Variants in MAN2A1 observed in about 807,000 individuals in gnomAD.
MAN2A1 encodes alpha-mannosidase 2.
A neutral mutation model predicts 142.6 loss-of-function variants in MAN2A1; 76 were observed. The observed-to-expected ratio is 0.53, with a 90% confidence interval of 0.44 to 0.65. MAN2A1 has a LOEUF of 0.65. Among genes scored for constraint, MAN2A1 ranks in the 30% least tolerant of loss-of-function variants. The pLI is 0.00. For missense variants in MAN2A1, 1,311 were observed against 1,365.1 expected, an observed-to-expected ratio of 0.96 and a Z score of 0.62; for synonymous variants, 559 against 473.2, an observed-to-expected ratio of 1.18 and a Z score of -2.35.
intron 20 of MAN2A1, among the ~76,000 whole-genome samples, chr5:109,856,183 T>G (rs909536133): frequency 6.6e-6 from 1 of 152,196 alleles, no homozygotes; most frequent in Non-Finnish European, 1.5e-5. Context: ...TATAATTTTT[T>G]TTTCTTTATA....
intron 3 of MAN2A1, among the ~76,000 whole-genome samples, chr5:109,728,699 A>G (rs1008151063): frequency 6.6e-6 from 1 of 152,198 alleles, no homozygotes; most frequent in Non-Finnish European, 1.5e-5. Context: ...ACCTATATGC[A>G]TTCGCATTTG....
intron 20 of MAN2A1, among the ~76,000 whole-genome samples, chr5:109,861,348 A>C (rs775624813): frequency 3.3e-5 from 5 of 152,210 alleles, no homozygotes; most frequent in Non-Finnish European, 7.4e-5. Flanking sequence ...AATGAGGTAA[A>C]AACATTGCCA....
At position 109,743,756 on chromosome 5, in the gene MAN2A1, C is replaced by A. The variant is rs114283503; in HGVS notation, c.708-11573C>A. Among the ~76,000 whole-genome samples the A allele has an allele frequency of 8.5e-3, 1,300 of 152,336 alleles. 20 individuals carry two copies. Among genetic ancestry groups the A allele is most frequent in the African/African-American group, 0.03 (1,230 of 41,572 alleles). ...TTCCAGCTGTGCCACTTCTAAGTGT[C>A]TGCCATTTCATCAACAGAGTTAGTT... is the stretch of plus-strand genomic sequence containing the variant. On this transcript the variant is annotated intron_variant, in intron 4 of 21. Coordinates refer to ENST00000261483, the MANE Select transcript of MAN2A1 (RefSeq NM_002372.4).
intron 4 of MAN2A1, among the ~76,000 whole-genome samples, chr5:109,753,931 C>CA (rs946773141): frequency 8.7e-5 from 13 of 149,904 alleles, no homozygotes; most frequent in African/African-American, 3.2e-4. Context: ...TTTTTTGACA[C>CA]AATGTCTCAC....
chr5:109,788,352 A>ATATATATTTTTAT, intron 10 of MAN2A1, among the ~76,000 whole-genome samples: 1 of 144,452 alleles, frequency 6.9e-6, no homozygotes, highest in South Asian at 2.5e-4. Context: ...ATTTGAATAT[A>ATATATATTTTTAT]GTTAGTAATT....
At chr5:109,745,592 G>A (rs1489457422) in intron 4 of MAN2A1, among the ~76,000 whole-genome samples, 1 of 151,988 alleles carries the variant, frequency 6.6e-6, no homozygotes, top group Non-Finnish European at 1.5e-5. Flanking sequence ...TGAACCATAT[G>A]AGAAATTTAT....
At chr5:109,707,019 C>T (rs1751153091) in intron 1 of MAN2A1, among the ~76,000 whole-genome samples, 1 of 152,178 alleles carries the variant, frequency 6.6e-6, no homozygotes, top group Non-Finnish European at 1.5e-5. Context: ...ATAATAGTCT[C>T]TTGAGCCAGG....
At chr5:109,866,168 T>C (rs1357970002) in intron 21 of MAN2A1, among the ~76,000 whole-genome samples, 2 of 152,194 alleles carry the variant, frequency 1.3e-5, no homozygotes, top group Admixed American at 6.5e-5. Flanking sequence ...TTTATTATAC[T>C]GTATTTGCAC....
intron 19 of MAN2A1, among the ~76,000 whole-genome samples, chr5:109,848,483 A>T (rs1436302421): frequency 2.0e-5 from 3 of 152,162 alleles, no homozygotes; most frequent in African/African-American, 7.2e-5. Flanking sequence ...CTTTTCAGCC[A>T]GTGATCGTAC....
At position 109,711,077 on chromosome 5, in the gene MAN2A1, C is replaced by T. The variant is rs1751287681; in HGVS notation, c.136-2443C>T. 3.3e-5 allele frequency among the ~76,000 whole-genome samples: 5 copies of T among 152,326 alleles called. No homozygotes were observed. In the South Asian group the frequency reaches 1.0e-3, roughly 32 times the overall value. On this transcript the variant is annotated intron_variant, in intron 1 of 21. Transcript: ENST00000261483. Reference sequence around the variant, plus strand: ...TCCTGACCAGGTGATCCACCCATCTCAGCCTACCAAAGTGCTGGGATTACA... The same window carrying T: ...TCCTGACCAGGTGATCCACCCATCTTAGCCTACCAAAGTGCTGGGATTACA...
At chr5:109,746,281 T>G (rs1752402436) in intron 4 of MAN2A1, among the ~76,000 whole-genome samples, 5 of 152,154 alleles carry the variant, frequency 3.3e-5, no homozygotes, top group Admixed American at 2.6e-4. Flanking sequence ...GGCCTCAGTT[T>G]TGTTAGTTTT....
chr5:109,748,976 G>T (rs1313422448), intron 4 of MAN2A1, among the ~76,000 whole-genome samples: 1 of 151,010 alleles, frequency 6.6e-6, no homozygotes, highest in African/African-American at 2.4e-5. Flanking sequence ...ATGTCTTTAG[G>T]ATATAAGTTG....
At chr5:109,834,721 A>G (rs1003555327) in intron 16 of MAN2A1, among the ~76,000 whole-genome samples, 3 of 152,224 alleles carry the variant, frequency 2.0e-5, no homozygotes, top group African/African-American at 7.2e-5. Context: ...GCAGTATATC[A>G]TCATTTTCTT....
At chr5:109,701,833 G>A (rs370448830) in intron 1 of MAN2A1, among the ~76,000 whole-genome samples, 3 of 152,244 alleles carry the variant, frequency 2.0e-5, no homozygotes, top group African/African-American at 7.2e-5. Flanking sequence ...TTTCCATTGG[G>A]GTGTTGGAGA....
chr5:109,716,340 A>G, intron 3 of MAN2A1, 76 bp downstream of exon 3: 1 of 1,213,634 alleles, frequency 8.2e-7, no homozygotes, highest in Non-Finnish European at 1.2e-6. Flanking sequence ...AGAATCTGGT[A>G]GAGGCCACTT....
chr5:109,758,396 G>T (rs1354778445), intron 5 of MAN2A1, among the ~76,000 whole-genome samples: 1 of 151,652 alleles, frequency 6.6e-6, no homozygotes, highest in African/African-American at 2.4e-5. Context: ...TATTGACTTA[G>T]AATTTTTTTT....
At chr5:109,825,540 G>C (rs554397659) in intron 16 of MAN2A1, among the ~76,000 whole-genome samples, 44 of 152,256 alleles carry the variant, frequency 2.9e-4, no homozygotes, top group African/African-American at 1.0e-3. Context: ...AGGACCTCTA[G>C]TTCTCACATC....
chr5:109,817,288 T>C lies in MAN2A1; in HGVS notation c.1959T>C (p.Tyr653=), dbSNP rs60646246. The C allele has an allele frequency of 8.9e-4, 1,431 of 1,614,104 alleles. 12 individuals are homozygous for C. In the African/African-American group the frequency reaches 0.017, roughly 19 times the overall value. Residue 653 remains tyrosine (Y), a synonymous_variant, in exon 13 of 22, where the codon TAT becomes TAC. Coordinates refer to ENST00000261483, the MANE Select transcript of MAN2A1 (RefSeq NM_002372.4). The part of the protein sequence containing the change: ...LSAEPRYLVV[Y]NPLEQDRISL... Reference sequence around the variant, plus strand: ...GTTTTTGCAGGTACCTTGTGGTCTATAATCCTTTAGAACAAGACCGAATCT... The same window carrying C: ...GTTTTTGCAGGTACCTTGTGGTCTACAATCCTTTAGAACAAGACCGAATCT...
chr5:109,729,591 TG>T (rs1291795864), intron 4 of MAN2A1, 78 bp downstream of exon 4: 17 of 731,432 alleles, frequency 2.3e-5, no homozygotes, highest in Non-Finnish European at 3.3e-5. Flanking sequence ...AATTTTTAGA[TG>T]GTGAAAATTC....
Sources: gnomAD v4.1 joint callset for allele counts (sites outside exome capture counted in the v4.1 genomes callset) on GRCh38, gnomAD v4.1.1 for gene constraint, MANE v1.5 for transcripts, NCBI Gene and HGNC (gene_info 2026-07-23, HGNC 2026-07-21) for gene names.